Variants in BAZ2B observed in about 807,000 individuals in gnomAD.
BAZ2B encodes bromodomain adjacent to zinc finger domain protein 2B.
BAZ2B carries 91 observed loss-of-function variants against 246.0 expected under a neutral mutation model. The ratio of observed to expected loss-of-function variants is 0.37; its 90% CI spans 0.31 to 0.44. The LOEUF is 0.44. Among genes scored for constraint, BAZ2B ranks in the 20% least tolerant of loss-of-function variants. The pLI, the probability that BAZ2B is intolerant of heterozygous loss-of-function variation, is 1.00. For synonymous variants in BAZ2B, 855 were observed against 860.0 expected, an observed-to-expected ratio of 0.99 and a Z score of 0.10; for missense variants, 2,332 against 2,533.7, an observed-to-expected ratio of 0.92 and a Z score of 1.71.
chr2:159,358,875 G>A (rs1260540306), intron 27 of BAZ2B, among the ~76,000 whole-genome samples: 2 of 152,096 alleles, frequency 1.3e-5, no homozygotes, highest in East Asian at 1.9e-4. Flanking sequence ...GGTAAATAAC[G>A]AAATGAAGGC....
intron 13 of BAZ2B, chr2:159,419,706 C>T (rs1024640488): frequency 1.3e-5 from 2 of 152,178 alleles, no homozygotes; most frequent in African/African-American, 2.4e-5. Flanking sequence ...CTTTCAATAT[C>T]TCCTCCTTCT....
intron 2 of BAZ2B, among the ~76,000 whole-genome samples, chr2:159,523,481 G>A (rs546364986): frequency 7.9e-4 from 120 of 151,994 alleles, no homozygotes; most frequent in African/African-American, 2.7e-3. Flanking sequence ...CGAGGCGGGC[G>A]GATCACAAGA....
At chr2:159,382,826 G>T in intron 24 of BAZ2B, 24 bp from the exon 25 acceptor site, 1 of 1,593,870 alleles carries the variant, frequency 6.3e-7, no homozygotes, top group South Asian at 1.1e-5. Flanking sequence ...GAAAAGTGAT[G>T]ACAAGGAAAA....
At chr2:159,483,596 G>A (rs1297181484) in intron 2 of BAZ2B, among the ~76,000 whole-genome samples, 3 of 152,080 alleles carry the variant, frequency 2.0e-5, no homozygotes, top group Non-Finnish European at 4.4e-5. Context: ...GGCCAACATG[G>A]TGAAACCCTG....
intron 1 of BAZ2B, among the ~76,000 whole-genome samples, chr2:159,567,422 C>A (rs1055343571): frequency 6.6e-6 from 1 of 152,070 alleles, no homozygotes. Context: ...TTGAAAGAAG[C>A]ACAGTTTTTT....
At chr2:159,698,753 C>T in the BAZ2B span, among the ~76,000 whole-genome samples, 2 of 152,054 alleles carry the variant, frequency 1.3e-5, no homozygotes, top group Non-Finnish European at 2.9e-5. Context: ...CTCAATACTT[C>T]TTAGGAGTTA....
chr2:159,520,109 A>G (rs1578043791), intron 2 of BAZ2B, among the ~76,000 whole-genome samples: 1 of 152,322 alleles, frequency 6.6e-6, no homozygotes, highest in East Asian at 1.9e-4. Context: ...ATTATACAAG[A>G]AAAAACAAGA....
At chr2:159,662,649 C>T in the BAZ2B span, among the ~76,000 whole-genome samples, 14 of 152,036 alleles carry the variant, frequency 9.2e-5, no homozygotes, top group African/African-American at 3.1e-4. Context: ...CTCAGCCTCC[C>T]GAGTAGCTGA....
chr2:159,363,098 A>C lies in BAZ2B; in HGVS notation c.4213+9947T>G, dbSNP rs117218369. Among the ~76,000 whole-genome samples, 4 of 152,302 alleles carry C rather than the reference A, an allele frequency of 2.6e-5. No individual in the cohort carries two copies. In the East Asian group the frequency reaches 7.7e-4, roughly 29 times the overall value. On this transcript the variant is annotated intron_variant, in intron 27 of 36. Coordinates refer to ENST00000392783, the MANE Select transcript of BAZ2B (RefSeq NM_013450.4). The stretch of plus-strand genomic sequence containing the variant: ...CTGCTAATTTGCATGGTTAGGAGAC[A>C]ACAGTGTTGTTAAGGGAAGCTGAGT...
At chr2:159,400,910 G>A (rs750091882) in intron 16 of BAZ2B, among the ~76,000 whole-genome samples, 1 of 152,150 alleles carries the variant, frequency 6.6e-6, no homozygotes, top group Non-Finnish European at 1.5e-5. Context: ...AGGGCTTGGT[G>A]GCGGGCACCT....
intron 17 of BAZ2B, among the ~76,000 whole-genome samples, chr2:159,400,077 T>C (rs1434714882): frequency 6.6e-6 from 1 of 152,232 alleles, no homozygotes; most frequent in East Asian, 1.9e-4. Flanking sequence ...TTCCTGTATT[T>C]TTTCTTTGCT....
At chr2:159,672,061 C>A in the BAZ2B span, among the ~76,000 whole-genome samples, 8 of 152,094 alleles carry the variant, frequency 5.3e-5, no homozygotes, top group Non-Finnish European at 8.8e-5. Flanking sequence ...TCCATATAAA[C>A]ATTCTAAACT....
At chr2:159,388,940 C>T (rs2062973747) in intron 21 of BAZ2B, among the ~76,000 whole-genome samples, 1 of 152,066 alleles carries the variant, frequency 6.6e-6, no homozygotes, top group African/African-American at 2.4e-5. Context: ...ACTAGCCAGG[C>T]ATGGTGGCAA....
intron 2 of BAZ2B, among the ~76,000 whole-genome samples, chr2:159,534,076 T>C (rs1361912062): frequency 6.6e-6 from 1 of 152,206 alleles, no homozygotes; most frequent in Non-Finnish European, 1.5e-5. Flanking sequence ...TGATTCCTCA[T>C]AATTTCAAGT....
At chr2:159,627,715 C>T in the BAZ2B span, among the ~76,000 whole-genome samples, 1 of 152,122 alleles carries the variant, frequency 6.6e-6, no homozygotes, top group Admixed American at 6.5e-5. Flanking sequence ...AAATATCATA[C>T]TAAACGGGCA....
chr2:159,522,103 G>A (rs1284570575), intron 2 of BAZ2B, among the ~76,000 whole-genome samples: 1 of 151,886 alleles, frequency 6.6e-6, no homozygotes, highest in Non-Finnish European at 1.5e-5. Context: ...ATCCTGGTCT[G>A]CAAATGTTGA....
At chr2:159,422,827 T>C (rs1042560395) in intron 13 of BAZ2B, among the ~76,000 whole-genome samples, 1 of 151,974 alleles carries the variant, frequency 6.6e-6, no homozygotes, top group Non-Finnish European at 1.5e-5. Flanking sequence ...AAAGGTGCAA[T>C]ATCTAGACTC....
the BAZ2B span, among the ~76,000 whole-genome samples, chr2:159,678,882 T>C: frequency 6.6e-6 from 1 of 152,216 alleles, no homozygotes; most frequent in South Asian, 2.1e-4. Context: ...ACAATATAGG[T>C]TTGTCTTGTC....
At chr2:159,560,109 A>T (rs192525733) in intron 1 of BAZ2B, among the ~76,000 whole-genome samples, 66 of 152,274 alleles carry the variant, frequency 4.3e-4, no homozygotes, top group African/African-American at 1.4e-3. Context: ...TATGTACTCA[A>T]TTTTAACATA....
Sources: gnomAD v4.1 joint callset for allele counts (sites outside exome capture counted in the v4.1 genomes callset) on GRCh38, gnomAD v4.1.1 for gene constraint, MANE v1.5 for transcripts, NCBI Gene and HGNC (gene_info 2026-07-23, HGNC 2026-07-21) for gene names.